PIWIL3: variants seen among roughly 807,000 people sequenced by gnomAD.
PIWIL3 encodes piwi-like protein 3.
In PIWIL3, 101 loss-of-function variants were observed where a neutral mutation model predicts 109.7. That is an observed-to-expected ratio of 0.92 (90% CI 0.78 to 1.09). The LOEUF is 1.09. PIWIL3 is among the 50% of genes least tolerant of loss of function. PIWIL3 has a pLI of 0.00. For synonymous variants in PIWIL3, 373 were observed against 376.4 expected (o/e 0.99, Z 0.10); for missense variants, 1,031 against 1,072.6 (o/e 0.96, Z 0.54).
At position 24,724,878 on chromosome 22, in the gene PIWIL3, A is replaced by G; in HGVS notation, c.2231+9T>C. On this transcript the variant is annotated intron_variant, in intron 18 of 20. Coordinates refer to ENST00000616349, the MANE Select transcript of PIWIL3 (RefSeq NM_001255975.1). ...TGAGTCACTACACATTACAATTAATACAACCTACTTGTTAGGAGAGATGGT... is the reference window on the plus strand; with the variant it reads ...TGAGTCACTACACATTACAATTAATGCAACCTACTTGTTAGGAGAGATGGT... The G allele has an allele frequency of 6.2e-7, 1 of 1,611,592 alleles. No homozygotes were observed. Among genetic ancestry groups the G allele is most frequent in the Non-Finnish European group, 8.5e-7 (1 of 1,178,578 alleles).
intron 13 of PIWIL3, 33 bp from the exon 14 acceptor site, chr22:24,734,189 G>T: frequency 6.3e-7 from 1 of 1,595,750 alleles, no homozygotes; most frequent in Non-Finnish European, 8.5e-7. Flanking sequence ...ACATCCAAAA[G>T]ATACCAACCA....
chr22:24,753,981 G>A (rs776911917), intron 8 of PIWIL3, 33 bp downstream of exon 8: 2 of 1,537,934 alleles, frequency 1.3e-6, no homozygotes, highest in East Asian at 2.2e-5. Flanking sequence ...GGGAGTTAAA[G>A]TGATTGGATA....
At chr22:24,764,112 CA>C (rs1400441757) in intron 1 of PIWIL3, among the ~76,000 whole-genome samples, 1 of 152,250 alleles carries the variant, frequency 6.6e-6, no homozygotes, top group Non-Finnish European at 1.5e-5. Context: ...ACGTGCCGCA[CA>C]CTCAGGAAAG....
In PIWIL3 at chr22:24,759,951, C is replaced by T. The variant is rs527502722; in HGVS notation, c.141G>A (p.Pro47=). 2.1e-5 allele frequency: 34 copies of T among 1,614,138 alleles called. No homozygotes were observed. Among genetic ancestry groups the T allele is most frequent in the Admixed American group, 1.7e-4 (10 of 60,004 alleles). Residue 47 remains proline, a synonymous_variant, in exon 3 of 21, where the codon CCG becomes CCA. Transcript: ENST00000616349. The stretch of plus-strand genomic sequence containing the variant: ...TAACCACTGGGACTTCCTCCTGCAG[C>T]GGCCGGGGTGTCGACTGCAACTGAG... ...EPPQLQSTPR[P]LQEEVPVVRP...
intron 19 of PIWIL3, among the ~76,000 whole-genome samples, chr22:24,722,154 C>G (rs539826659): frequency 8.4e-4 from 128 of 152,292 alleles, no homozygotes; most frequent in African/African-American, 2.1e-3. Context: ...ACGATCTCCG[C>G]TCACTGCAAG....
chr22:24,738,887 C>A (rs2147672112), intron 12 of PIWIL3, among the ~76,000 whole-genome samples: 1 of 152,164 alleles, frequency 6.6e-6, no homozygotes, highest in African/African-American at 2.4e-5. Flanking sequence ...AATAAGGCAC[C>A]AGGCACCAGT....
At chr22:24,732,715 C>T (rs771017790) in intron 14 of PIWIL3, among the ~76,000 whole-genome samples, 10 of 151,766 alleles carry the variant, frequency 6.6e-5, no homozygotes, top group Non-Finnish European at 1.2e-4. Flanking sequence ...CCCAGCTACT[C>T]GGGAGGCTGA....
chr22:24,770,338 G>A (rs920074337), intron 1 of PIWIL3, among the ~76,000 whole-genome samples: 1 of 152,178 alleles, frequency 6.6e-6, no homozygotes, highest in Non-Finnish European at 1.5e-5. Context: ...CTCTTTAGGC[G>A]TTAATATGAC....
chr22:24,755,415 G>A (rs1405679155), intron 6 of PIWIL3, among the ~76,000 whole-genome samples: 5 of 152,164 alleles, frequency 3.3e-5, no homozygotes, highest in African/African-American at 4.8e-5. Context: ...GAGCCACCAC[G>A]CCCGGCCTCA....
chr22:24,738,025 G>A (rs1009428749), intron 12 of PIWIL3, among the ~76,000 whole-genome samples: 4 of 152,076 alleles, frequency 2.6e-5, no homozygotes, highest in South Asian at 2.1e-4. Context: ...GGTGGTGGGC[G>A]CTGTAATCCC....
chr22:24,724,849 G>C lies in PIWIL3; in HGVS notation c.2231+38C>G, dbSNP rs759338963. On this transcript the variant is annotated intron_variant, in intron 18 of 20. Coordinates refer to ENST00000616349, the MANE Select transcript of PIWIL3 (RefSeq NM_001255975.1). ...AACCTTCCAAAGTGCTGGGATTACAGGCATGAGTCACTACACATTACAATT... is the reference window on the plus strand; with the variant it reads ...AACCTTCCAAAGTGCTGGGATTACACGCATGAGTCACTACACATTACAATT... The C allele has an allele frequency of 2.5e-6, 4 of 1,590,722 alleles. No individual in the cohort carries two copies. In the African/African-American group the frequency reaches 5.4e-5, roughly 21 times the overall value.
chr22:24,737,370 G>C (rs567377692), intron 12 of PIWIL3, among the ~76,000 whole-genome samples: 23 of 152,234 alleles, frequency 1.5e-4, no homozygotes, highest in African/African-American at 5.3e-4. Flanking sequence ...TTGAAGGGAA[G>C]GACCCAGCCC....
intron 1 of PIWIL3, among the ~76,000 whole-genome samples, chr22:24,765,347 C>A (rs779541437): frequency 6.6e-6 from 1 of 152,130 alleles, no homozygotes; most frequent in Non-Finnish European, 1.5e-5. Context: ...AAAAAACCAG[C>A]GCATCTGCTA....
chr22:24,728,279 C>T lies in PIWIL3; in HGVS notation c.1803G>A (p.Val601=), dbSNP rs1394790932. 5 of 1,614,194 alleles carry T rather than the reference C, an allele frequency of 3.1e-6. No homozygotes were observed. Among genetic ancestry groups the T allele is most frequent in the Non-Finnish European group, 3.4e-6 (4 of 1,180,042 alleles). The change falls in exon 15 of 21, where the codon GTG becomes GTA. Residue 601 remains valine (V), a synonymous_variant. Coordinates refer to ENST00000616349, the MANE Select transcript of PIWIL3 (RefSeq NM_001255975.1). The stretch of plus-strand genomic sequence containing the variant: ...CCTGGACTTTTTCTAAGGTCTTTTT[C>T]ACCACACACTGGCTTGGAATTGGGC... ...TKCPIPSQCV[V]KKTLEKVQAR...
At chr22:24,728,500 T>C (rs529076975) in intron 14 of PIWIL3, 126 bp from the exon 15 acceptor site, 2 of 1,107,462 alleles carry the variant, frequency 1.8e-6, no homozygotes, top group East Asian at 2.5e-5. Context: ...TAAGAAAATA[T>C]ATGAGCCCAA....
intron 1 of PIWIL3, among the ~76,000 whole-genome samples, chr22:24,772,099 T>C (rs766889592): frequency 6.6e-6 from 1 of 152,168 alleles, no homozygotes; most frequent in African/African-American, 2.4e-5. Flanking sequence ...ATATCATAAA[T>C]GCACCAAACA....
At chr22:24,737,879 G>A (rs1923757608) in intron 12 of PIWIL3, among the ~76,000 whole-genome samples, 1 of 152,064 alleles carries the variant, frequency 6.6e-6, no homozygotes, top group African/African-American at 2.4e-5. Flanking sequence ...AAGAGAAGGG[G>A]GCCGGGCGCG....
intron 19 of PIWIL3, 118 bp downstream of exon 19, chr22:24,723,012 T>C: frequency 3.4e-6 from 4 of 1,176,488 alleles, no homozygotes; most frequent in African/African-American, 1.5e-5. Context: ...ACAGACCAAA[T>C]TAGTTCTAAA....
rs115190776 is a variant in PIWIL3 at position 24,734,662 on chromosome 22, C to G, written c.1635-506G>C. Among the ~76,000 whole-genome samples the G allele has an allele frequency of 4.4e-3, 662 of 152,120 alleles. 6 individuals carry two copies. The highest frequency in any genetic ancestry group is 0.014 in the African/African-American group (593 of 41,488). On this transcript the variant is annotated intron_variant, in intron 13 of 20. Transcript: ENST00000616349. ...GTCCCCACAGTTTTGAGAGTTTTAC[C>G]TCTAGGAGCTTGACCAGGTTCTCAC...
Sources: allele counts gnomAD v4.1 joint callset (sites outside exome capture counted in the v4.1 genomes callset), GRCh38; gene constraint gnomAD v4.1.1; transcripts MANE v1.5; gene names NCBI Gene and HGNC (gene_info 2026-07-23, HGNC 2026-07-21).